CDK8: variants seen among roughly 807,000 people sequenced by gnomAD.
CDK8 encodes the protein cyclin-dependent kinase 8.
A neutral mutation model predicts 71.5 loss-of-function variants in CDK8; 29 were observed. The observed-to-expected ratio is 0.41, with a 90% CI of 0.30 to 0.55. The LOEUF (loss-of-function observed/expected upper bound fraction) is 0.55. CDK8 is among the 20% of genes least tolerant of loss of function. The pLI, the probability that CDK8 is intolerant of heterozygous loss-of-function variation, is 0.37. For missense variants in CDK8, 288 were observed against 572.6 expected (o/e 0.50, Z 5.07); for synonymous variants, 161 against 192.1 (o/e 0.84, Z 1.34).
chr13:26,298,204 G>A (rs1371938498), intron 1 of CDK8, among the ~76,000 whole-genome samples: 1 of 152,046 alleles, frequency 6.6e-6, no homozygotes, highest in African/African-American at 2.4e-5. Context: ...GTGCATATAT[G>A]GCCATGTCTG....
At chr13:26,297,342 A>C (rs1873605403) in intron 1 of CDK8, among the ~76,000 whole-genome samples, 1 of 151,948 alleles carries the variant, frequency 6.6e-6, no homozygotes. Context: ...CCTTAATAGC[A>C]AAAGAGGAAA....
intron 6 of CDK8, 114 bp from the exon 7 acceptor site, chr13:26,393,253 C>T (rs1006936817): frequency 1.6e-6 from 1 of 640,860 alleles, no homozygotes; most frequent in Non-Finnish European, 2.6e-6. Context: ...AAAACACTCC[C>T]CAAGAAAATA....
At chr13:26,291,701 G>C (rs1001791638) in intron 1 of CDK8, among the ~76,000 whole-genome samples, 24 of 152,066 alleles carry the variant, frequency 1.6e-4, no homozygotes, top group African/African-American at 5.8e-4. Context: ...GTAATCTGTT[G>C]CAATTTGCTA....
intron 5 of CDK8, among the ~76,000 whole-genome samples, chr13:26,384,152 G>T (rs1341466990): frequency 6.6e-6 from 1 of 152,060 alleles, no homozygotes; most frequent in South Asian, 2.1e-4. Flanking sequence ...GGAACGCTAC[G>T]TCTTAAAGCA....
intron 7 of CDK8, among the ~76,000 whole-genome samples, chr13:26,395,340 A>C (rs1275865537): frequency 6.6e-6 from 1 of 151,730 alleles, no homozygotes; most frequent in Non-Finnish European, 1.5e-5. Flanking sequence ...AATGTATTAC[A>C]GGCATGGGAT....
intron 4 of CDK8, among the ~76,000 whole-genome samples, chr13:26,378,350 A>G (rs1378518695): frequency 6.6e-6 from 1 of 152,218 alleles, no homozygotes; most frequent in African/African-American, 2.4e-5. Context: ...GCTGGAGAAC[A>G]GAAAGCTTCT....
chr13:26,361,169 T>C (rs1874121322), intron 4 of CDK8, among the ~76,000 whole-genome samples: 1 of 152,208 alleles, frequency 6.6e-6, no homozygotes, highest in Admixed American at 6.5e-5. Flanking sequence ...TCCCTCACTT[T>C]ATTCAAAAAC....
rs1203397260 is a variant in CDK8 at position 26,254,163 on chromosome 13, C to A, written c.-479C>A. On this transcript the variant is annotated 5_prime_UTR_variant, in exon 1 of 13. The change creates a new upstream start codon in the 5' untranslated region. Coordinates refer to ENST00000381527, the MANE Select transcript of CDK8 (RefSeq NM_001260.3). The surrounding 1 kb of genome is among the most constrained non-coding windows in gnomAD (Gnocchi z 6.7). ...CCGGCTGTTGTGCGGCTCTGCCCTTCTGTTTGAGTGTATGGGAGAGTGAGT... is the reference window on the plus strand; with the variant it reads ...CCGGCTGTTGTGCGGCTCTGCCCTTATGTTTGAGTGTATGGGAGAGTGAGT... 1 of 232,458 alleles carries A rather than the reference C, an allele frequency of 4.3e-6. No individual in the cohort carries two copies. Among genetic ancestry groups the A allele is most frequent in the Non-Finnish European group, 8.5e-6 (1 of 117,484 alleles). The allele number at this position is 232,458 out of a possible 1,614,324, so 14.4% of individuals were successfully genotyped here. A position where few individuals can be genotyped will look rare whatever the true frequency, so the allele number is the denominator to read the frequency against.
chr13:26,345,447 T>C (rs1873423355), intron 2 of CDK8, among the ~76,000 whole-genome samples: 1 of 152,150 alleles, frequency 6.6e-6, no homozygotes. Flanking sequence ...CTTGGTGTGA[T>C]CTCAGCTCAC....
chr13:26,317,461 A>G (rs561786101), intron 1 of CDK8, among the ~76,000 whole-genome samples: 2 of 152,352 alleles, frequency 1.3e-5, no homozygotes, highest in South Asian at 2.1e-4. Flanking sequence ...GATATATTTA[A>G]GAATATTCTA....
At chr13:26,312,844 A>G (rs1167428276) in intron 1 of CDK8, among the ~76,000 whole-genome samples, 4 of 152,098 alleles carry the variant, frequency 2.6e-5, no homozygotes, top group Non-Finnish European at 4.4e-5. Context: ...GATACTCAGC[A>G]CTGTGTATAT....
intron 12 of CDK8, among the ~76,000 whole-genome samples, chr13:26,402,922 A>G (rs1200482062): frequency 1.3e-5 from 2 of 152,228 alleles, no homozygotes; most frequent in African/African-American, 4.8e-5. Context: ...CTCTTTTTAA[A>G]AATGTTACCT....
intron 3 of CDK8, among the ~76,000 whole-genome samples, chr13:26,350,467 T>C (rs757975815): frequency 5.9e-5 from 9 of 151,634 alleles, no homozygotes; most frequent in Admixed American, 2.6e-4. Flanking sequence ...AGACCCTGTC[T>C]CTGCAAAAAA....
chr13:26,305,026 T>C (rs1873984543), intron 1 of CDK8, among the ~76,000 whole-genome samples: 1 of 152,204 alleles, frequency 6.6e-6, no homozygotes, highest in African/African-American at 2.4e-5. Context: ...CATTGTTGTA[T>C]ACAGTCAGTT....
intron 1 of CDK8, among the ~76,000 whole-genome samples, chr13:26,263,117 A>G (rs758585784): frequency 6.6e-6 from 1 of 151,868 alleles, no homozygotes; most frequent in African/African-American, 2.4e-5. Flanking sequence ...TTGAGGAAAG[A>G]AGGAGTAGGT....
At chr13:26,303,561 C>T (rs1304645467) in intron 1 of CDK8, among the ~76,000 whole-genome samples, 2 of 152,034 alleles carry the variant, frequency 1.3e-5, no homozygotes, top group Non-Finnish European at 2.9e-5. Flanking sequence ...CCACGCCTGG[C>T]CTAGAAATAC....
At chr13:26,265,301 G>A (rs1359782872) in intron 1 of CDK8, among the ~76,000 whole-genome samples, 1 of 152,116 alleles carries the variant, frequency 6.6e-6, no homozygotes, top group Non-Finnish European at 1.5e-5. Flanking sequence ...GGCATAGGCA[G>A]GTAAACAATT....
At position 26,254,608 on chromosome 13, in the gene CDK8, C is replaced by G. The variant is rs373347533; in HGVS notation, c.-34C>G. The G allele has an allele frequency of 4.5e-6, 7 of 1,548,996 alleles. No individual in the cohort carries two copies. The highest frequency in any genetic ancestry group is 1.4e-5 in the African/African-American group (1 of 73,798). On this transcript the variant is annotated 5_prime_UTR_variant, in exon 1 of 13. Coordinates refer to ENST00000381527, the MANE Select transcript of CDK8 (RefSeq NM_001260.3). This position sits in a 1 kb window ranked among gnomAD's most constrained non-coding sequence, Gnocchi z 6.7. ...GTCCCCACCCCTGCCCCCCGGCCCCCCGACCCAGCTCTCCGGCCTCAGAGG... is the reference window on the plus strand; with the variant it reads ...GTCCCCACCCCTGCCCCCCGGCCCCGCGACCCAGCTCTCCGGCCTCAGAGG...
At chr13:26,365,929 C>T (rs544984466) in intron 4 of CDK8, among the ~76,000 whole-genome samples, 1 of 152,078 alleles carries the variant, frequency 6.6e-6, no homozygotes, top group East Asian at 1.9e-4. Flanking sequence ...CCAAGAAACT[C>T]TCTCTTTCCA....
Sources: allele counts gnomAD v4.1 joint callset (sites outside exome capture counted in the v4.1 genomes callset), GRCh38; gene constraint gnomAD v4.1.1; non-coding constraint Gnocchi (gnomAD v3.1); transcripts MANE v1.5; gene names NCBI Gene and HGNC (gene_info 2026-07-23, HGNC 2026-07-21).